KHDRBS2: variants seen among roughly 807,000 people sequenced by gnomAD.
KHDRBS2 encodes the protein KH domain-containing, RNA-binding, signal transduction-associated protein 2.
A neutral mutation model predicts 44.3 loss-of-function variants in KHDRBS2; 26 were observed. That is an observed-to-expected ratio of 0.59 (90% CI 0.43 to 0.81). The LOEUF (loss-of-function observed/expected upper bound fraction) is 0.81. KHDRBS2 is among the 40% of genes least tolerant of loss of function. The probability of loss-of-function intolerance (pLI) is 0.00; values close to 1 mark genes in which losing one functional copy is unlikely to be tolerated. For missense variants in KHDRBS2, 476 were observed against 433.1 expected, an observed-to-expected ratio of 1.10 and a Z score of -0.88; for synonymous variants, 194 against 151.1, an observed-to-expected ratio of 1.28 and a Z score of -2.08.
At chr6:61,682,093 GA>G (rs1398658119) in intron 8 of KHDRBS2, among the ~76,000 whole-genome samples, 3 of 151,922 alleles carry the variant, frequency 2.0e-5, no homozygotes, top group Admixed American at 6.6e-5. Context: ...AACAATTGCA[GA>G]TTGAGGGCAA....
At chr6:61,684,299 C>A (rs1446522726) in intron 8 of KHDRBS2, among the ~76,000 whole-genome samples, 1 of 151,834 alleles carries the variant, frequency 6.6e-6, no homozygotes, top group African/African-American at 2.4e-5. Flanking sequence ...TTCTTCACTG[C>A]AAGTACCACA....
intron 6 of KHDRBS2, among the ~76,000 whole-genome samples, chr6:61,842,884 A>C (rs1793786760): frequency 6.8e-6 from 1 of 146,828 alleles, no homozygotes; most frequent in Non-Finnish European, 1.5e-5. Context: ...CAGATAATCT[A>C]TAACTTATCT....
At chr6:62,109,725 T>A (rs1804547699) in intron 2 of KHDRBS2, among the ~76,000 whole-genome samples, 1 of 149,566 alleles carries the variant, frequency 6.7e-6, no homozygotes. Context: ...ATATTTCATA[T>A]GTATATGCAA....
intron 3 of KHDRBS2, among the ~76,000 whole-genome samples, chr6:62,031,105 C>T (rs1345320291): frequency 6.6e-6 from 1 of 152,056 alleles, no homozygotes. Context: ...CAGATTAGAG[C>T]TCACCAGGGA....
chr6:62,080,279 T>G (rs1392441757), intron 2 of KHDRBS2, among the ~76,000 whole-genome samples: 1 of 152,118 alleles, frequency 6.6e-6, no homozygotes, highest in Non-Finnish European at 1.5e-5. Flanking sequence ...ACTTAGTTCT[T>G]AAGACAGCCT....
chr6:62,044,660 A>C (rs1231674066), intron 3 of KHDRBS2, among the ~76,000 whole-genome samples: 1 of 152,082 alleles, frequency 6.6e-6, no homozygotes, highest in Non-Finnish European at 1.5e-5. Flanking sequence ...CTATGAAACC[A>C]CAGAGAAGAG....
chr6:61,883,358 T>C (rs1250740117), intron 6 of KHDRBS2, among the ~76,000 whole-genome samples: 1 of 152,022 alleles, frequency 6.6e-6, no homozygotes, highest in Non-Finnish European at 1.5e-5. Context: ...TTTAAAATAC[T>C]TTATGATATA....
At chr6:61,582,045 A>G in the KHDRBS2 span, among the ~76,000 whole-genome samples, 1 of 151,910 alleles carries the variant, frequency 6.6e-6, no homozygotes, top group Non-Finnish European at 1.5e-5. Context: ...AGATAATATT[A>G]CAACTTCTAA....
intron 6 of KHDRBS2, among the ~76,000 whole-genome samples, chr6:61,866,579 T>C (rs186322754): frequency 5.0e-4 from 76 of 152,356 alleles, no homozygotes; most frequent in Admixed American, 2.4e-3. Context: ...TGTAAATTTC[T>C]GCAGCCAGCT....
chr6:61,604,733 G>A, the KHDRBS2 span, among the ~76,000 whole-genome samples: 1 of 152,120 alleles, frequency 6.6e-6, no homozygotes, highest in Non-Finnish European at 1.5e-5. Context: ...CTGGCAAATT[G>A]ACTTTACTTA....
At chr6:62,123,775 C>T (rs998096335) in intron 2 of KHDRBS2, among the ~76,000 whole-genome samples, 26 of 152,150 alleles carry the variant, frequency 1.7e-4, no homozygotes, top group African/African-American at 6.0e-4. Flanking sequence ...GTATGGAAAT[C>T]CTACAGTGCT....
At chr6:61,866,625 A>T (rs1194324025) in intron 6 of KHDRBS2, among the ~76,000 whole-genome samples, 1 of 152,192 alleles carries the variant, frequency 6.6e-6, no homozygotes, top group Non-Finnish European at 1.5e-5. Context: ...TTTCTTTTCT[A>T]TCACATTATC....
intron 1 of KHDRBS2, among the ~76,000 whole-genome samples, chr6:62,242,470 G>A (rs1301258891): frequency 6.6e-6 from 1 of 152,018 alleles, no homozygotes; most frequent in Admixed American, 6.6e-5. Flanking sequence ...ACTGGCATCA[G>A]AATCCTTCCC....
At chr6:61,585,154 A>G in the KHDRBS2 span, among the ~76,000 whole-genome samples, 2 of 152,046 alleles carry the variant, frequency 1.3e-5, no homozygotes, top group Middle Eastern at 3.4e-3. Flanking sequence ...TTTACTTAAA[A>G]CCCATTGTGG....
intron 6 of KHDRBS2, among the ~76,000 whole-genome samples, chr6:61,775,492 G>A (rs1393782767): frequency 6.6e-6 from 1 of 151,940 alleles, no homozygotes; most frequent in African/African-American, 2.4e-5. Flanking sequence ...TTCTTATACA[G>A]CAATAACAGA....
the KHDRBS2 span, among the ~76,000 whole-genome samples, chr6:61,573,564 C>T: frequency 2.7e-3 from 405 of 152,164 alleles, 2 homozygotes; most frequent in African/African-American, 9.1e-3. Flanking sequence ...CCAAGGCAGG[C>T]GGATCACCTG....
intron 4 of KHDRBS2, among the ~76,000 whole-genome samples, chr6:61,904,180 A>C (rs1214388050): frequency 6.6e-6 from 1 of 152,140 alleles, no homozygotes; most frequent in Non-Finnish European, 1.5e-5. Context: ...TTCTTGGAGC[A>C]GGTGTAGCCT....
intron 4 of KHDRBS2, 56 bp downstream of exon 4, chr6:61,978,010 C>T (rs1392830247): frequency 7.1e-7 from 1 of 1,406,162 alleles, no homozygotes; most frequent in Non-Finnish European, 9.7e-7. Context: ...ATCAAAGGTG[C>T]ATTTTAAAAT....
intron 2 of KHDRBS2, among the ~76,000 whole-genome samples, chr6:62,091,656 C>A (rs924978396): frequency 6.6e-6 from 1 of 151,952 alleles, no homozygotes. Context: ...ACCACTTTTT[C>A]AAATTTTCAC....
Sources: gnomAD v4.1 joint callset for allele counts (sites outside exome capture counted in the v4.1 genomes callset) on GRCh38, gnomAD v4.1.1 for gene constraint, MANE v1.5 for transcripts, NCBI Gene and HGNC (gene_info 2026-07-23, HGNC 2026-07-21) for gene names.